Variants in VDR observed in about 807,000 individuals in gnomAD.
VDR encodes the protein vitamin D receptor, also known as vitamin D3 receptor.
A neutral mutation model predicts 39.7 loss-of-function variants in VDR; 19 were observed. The observed-to-expected ratio is 0.48, with a 90% CI of 0.33 to 0.70. The LOEUF is 0.70. Ranked by LOEUF, VDR falls within the 30% of genes least tolerant of loss-of-function variation. VDR has a pLI of 0.02. For missense variants in VDR, 442 were observed against 570.5 expected, an observed-to-expected ratio of 0.77 and a Z score of 2.29; for synonymous variants, 242 against 215.8, an observed-to-expected ratio of 1.12 and a Z score of -1.07.
intron 1 of VDR, among the ~76,000 whole-genome samples, chr12:47,892,437 C>A (rs1177273020): frequency 2.6e-5 from 4 of 152,226 alleles, no homozygotes; most frequent in Admixed American, 2.0e-4. Context: ...CCCTAACAAG[C>A]TTTTCCAGAG....
chr12:47,866,777 G>A (rs1565619530), intron 3 of VDR, among the ~76,000 whole-genome samples: 3 of 151,680 alleles, frequency 2.0e-5, no homozygotes, highest in South Asian at 2.1e-4. Flanking sequence ...ATCATCTGAG[G>A]TAAGGAGTTT....
intron 1 of VDR, chr12:47,883,048 G>A (rs2137213725): frequency 4.9e-6 from 2 of 410,352 alleles, no homozygotes; most frequent in African/African-American, 2.1e-5. Flanking sequence ...CCAGGCAGAA[G>A]GAAACAGCCT....
chr12:47,860,755 T>C (rs1945611908), intron 4 of VDR, among the ~76,000 whole-genome samples: 1 of 152,182 alleles, frequency 6.6e-6, no homozygotes, highest in Non-Finnish European at 1.5e-5. Flanking sequence ...TGTTAAACTA[T>C]GCGTTGTCTT....
In VDR at chr12:47,882,772, C is replaced by G. The variant is rs1279860676; in HGVS notation, c.-81G>C. On this transcript the variant is annotated splice_region_variant and 5_prime_UTR_variant, in exon 2 of 10. Transcript: ENST00000549336. ...CTCACAGACACTTCAGACCCAAAGG[C>G]TTCTGAAATGAAGAAGGGGAAACCT... The G allele has an allele frequency of 1.3e-6, 2 of 1,534,842 alleles. No individual in the cohort carries two copies. The highest frequency in any genetic ancestry group is 1.4e-5 in the African/African-American group (1 of 72,956).
intron 3 of VDR, among the ~76,000 whole-genome samples, chr12:47,874,730 A>G (rs1180715154): frequency 6.6e-6 from 1 of 151,930 alleles, no homozygotes; most frequent in East Asian, 1.9e-4. Flanking sequence ...CTCACCATCC[A>G]CCTTCATTCT....
At chr12:47,848,537 C>T (rs1368751222) in intron 7 of VDR, among the ~76,000 whole-genome samples, 5 of 139,454 alleles carry the variant, frequency 3.6e-5, no homozygotes, top group Non-Finnish European at 6.1e-5. Flanking sequence ...CTGCTCTTTA[C>T]ATGCTTGTTT....
chr12:47,852,099 G>A (rs368975209), intron 7 of VDR, among the ~76,000 whole-genome samples: 6 of 152,322 alleles, frequency 3.9e-5, no homozygotes, highest in East Asian at 1.9e-4. Flanking sequence ...TTAGTGAAGG[G>A]GGCAGCATTG....
intron 1 of VDR, chr12:47,904,624 A>C (rs1946635210): frequency 2.6e-6 from 4 of 1,535,460 alleles, no homozygotes; most frequent in Non-Finnish European, 3.5e-6. Flanking sequence ...TTATTCCTCC[A>C]CTCCATGCCA....
intron 1 of VDR, among the ~76,000 whole-genome samples, chr12:47,892,314 G>T (rs1026221126): frequency 6.6e-6 from 1 of 152,214 alleles, no homozygotes; most frequent in African/African-American, 2.4e-5. Context: ...CTGTGTTCAT[G>T]CAGCTTCTCA....
chr12:47,845,218 G>A (rs1267780982), intron 9 of VDR, among the ~76,000 whole-genome samples: 1 of 151,810 alleles, frequency 6.6e-6, no homozygotes, highest in Non-Finnish European at 1.5e-5. Flanking sequence ...TCCTTCCATG[G>A]GCGCACCTGG....
intron 3 of VDR, among the ~76,000 whole-genome samples, chr12:47,873,375 T>G (rs1481489604): frequency 1.0e-5 from 1 of 100,368 alleles, no homozygotes; most frequent in Non-Finnish European, 2.2e-5. Context: ...TTTTTTTTTT[T>G]TTTTTGAGAC....
At chr12:47,853,422 G>C (rs189890980) in intron 7 of VDR, among the ~76,000 whole-genome samples, 9 of 143,450 alleles carry the variant, frequency 6.3e-5, no homozygotes, top group African/African-American at 2.4e-4. Context: ...CAGCCTAGGC[G>C]ACAGAGCGAG....
intron 2 of VDR, among the ~76,000 whole-genome samples, chr12:47,879,931 G>A (rs2254210): frequency 0.34 from 52,402 of 151,970 alleles, 9,158 homozygotes; most frequent in Non-Finnish European, 0.38. Context: ...CAGACGGAAC[G>A]AAAGCCCACA....
intron 1 of VDR, 21 bp from the exon 2 acceptor site, chr12:47,882,795 C>G: frequency 6.5e-7 from 1 of 1,531,826 alleles, no homozygotes. Flanking sequence ...GAAGGGGAAA[C>G]CTTTTATCTA....
intron 3 of VDR, among the ~76,000 whole-genome samples, chr12:47,866,697 C>T (rs1408442598): frequency 3.3e-5 from 5 of 152,184 alleles, no homozygotes; most frequent in Non-Finnish European, 5.9e-5. Flanking sequence ...TCTGTAGGAA[C>T]AGAAAACTAG....
intron 7 of VDR, among the ~76,000 whole-genome samples, chr12:47,852,116 T>A (rs2137134053): frequency 6.6e-6 from 1 of 152,228 alleles, no homozygotes; most frequent in South Asian, 2.1e-4. Context: ...ATTGGAGTAA[T>A]CCGATTTAAT....
intron 1 of VDR, chr12:47,896,988 G>A (rs1263620578): frequency 6.6e-6 from 1 of 152,302 alleles, no homozygotes; most frequent in African/African-American, 2.4e-5. Flanking sequence ...GACAGGAAGG[G>A]GAGGAGGGAA....
At position 47,860,740 on chromosome 12, in the gene VDR, C is replaced by T. The variant is rs991661781; in HGVS notation, c.278-3052G>A. On this transcript the variant is annotated intron_variant, in intron 4 of 9. Coordinates refer to ENST00000549336, the MANE Select transcript of VDR (RefSeq NM_000376.3). ...TGCTTTTCTTGCTTCCAGTGTCCAC[C>T]TCCCTGTTAAACTATGCGTTGTCTT... Among the ~76,000 whole-genome samples, 8 of 152,152 alleles carry T rather than the reference C, an allele frequency of 5.3e-5. No individual in the cohort carries two copies. In the South Asian group the frequency reaches 1.2e-3, roughly 24 times the overall value.
chr12:47,886,687 T>C (rs907319758), intron 1 of VDR, among the ~76,000 whole-genome samples: 8 of 151,938 alleles, frequency 5.3e-5, no homozygotes, highest in African/African-American at 1.9e-4. Context: ...AACATTCAGC[T>C]CTGAAAATCT....
Sources: allele counts gnomAD v4.1 joint callset (sites outside exome capture counted in the v4.1 genomes callset), GRCh38; gene constraint gnomAD v4.1.1; transcripts MANE v1.5; gene names NCBI Gene and HGNC (gene_info 2026-07-23, HGNC 2026-07-21).